The following GDAP1 variants were observed in gnomAD, a reference collection of about 807,000 sequenced individuals.
GDAP1 encodes the protein ganglioside-induced differentiation-associated protein 1.
In GDAP1, 34 loss-of-function variants were observed where a neutral mutation model predicts 40.1. That is an observed-to-expected ratio of 0.85 (90% CI 0.64 to 1.13). The LOEUF is 1.13. GDAP1 is among the 50% of genes most tolerant of loss of function. The probability of loss-of-function intolerance (pLI) is 0.00; values close to 1 mark genes in which losing one functional copy is unlikely to be tolerated. For synonymous variants in GDAP1, 170 were observed against 157.4 expected (o/e 1.08, Z -0.60); for missense variants, 374 against 433.7 (o/e 0.86, Z 1.22).
At chr8:74,404,202 A>T (rs963078421) in intron 2 of GDAP1, among the ~76,000 whole-genome samples, 1 of 149,936 alleles carries the variant, frequency 6.7e-6, no homozygotes, top group Non-Finnish European at 1.5e-5. Context: ...TAACTTAAAA[A>T]AAATCCTGTC....
chr8:74,362,973 T>C lies in GDAP1; in HGVS notation c.614T>C (p.Leu205Ser), dbSNP rs878855054. 1.4e-5 allele frequency: 22 copies of C among 1,583,892 alleles called. No individual in the cohort carries two copies. The highest frequency in any genetic ancestry group is 1.9e-5 in the Non-Finnish European group (22 of 1,152,672). The change falls in exon 5 of 6, where the codon TTG becomes TCG. Residue 205 changes from leucine to serine, a missense_variant. Transcript: ENST00000220822. ...KLLDHDNVKYLKKILDELEKV... is the reference protein window; with the variant it reads ...KLLDHDNVKYSKKILDELEKV... ...CTTGATCATGACAATGTCAAGTATT[T>C]GAAGAAAATTCTTGATGAGTTGGAG... is the stretch of plus-strand genomic sequence containing the variant.
chr8:74,369,880 A>G (rs1004808742), downstream of GDAP1, among the ~76,000 whole-genome samples: 1 of 152,236 alleles, frequency 6.6e-6, no homozygotes, highest in Non-Finnish European at 1.5e-5. Flanking sequence ...AAATAGTGGA[A>G]TGCAGACAAC....
In GDAP1 at chr8:74,350,828, C is replaced by A. The variant is rs181572426; in HGVS notation, c.117+250C>A. ...AAATGCGACAAAAAAGCATCATTTTCAGTATTTGGTCTGGAGGCCTTGCCT... is the reference window on the plus strand; with the variant it reads ...AAATGCGACAAAAAAGCATCATTTTAAGTATTTGGTCTGGAGGCCTTGCCT... On this transcript the variant is annotated intron_variant, in intron 1 of 5. Coordinates refer to ENST00000220822, the MANE Select transcript of GDAP1 (RefSeq NM_018972.4). Among the ~76,000 whole-genome samples, 1,243 of 152,302 alleles carry A rather than the reference C, an allele frequency of 8.2e-3. 11 individuals carry two copies. The highest frequency in any genetic ancestry group is 0.013 in the Non-Finnish European group (852 of 68,018).
intron 2 of GDAP1, among the ~76,000 whole-genome samples, chr8:74,410,502 ATTAC>A (rs1805696081): frequency 6.7e-6 from 1 of 150,268 alleles, no homozygotes; most frequent in Non-Finnish European, 1.5e-5. Context: ...TCTTCCCAGC[ATTAC>A]TTGGGATATT....
intron 3 of GDAP1, among the ~76,000 whole-genome samples, chr8:74,361,372 CT>C (rs1328783291): frequency 3.3e-5 from 5 of 151,880 alleles, no homozygotes; most frequent in Admixed American, 3.3e-4. Context: ...CTCATTTAGT[CT>C]TCATGGCAGA....
chr8:74,350,484 A>G lies in GDAP1; in HGVS notation c.23A>G (p.Gln8Arg), dbSNP rs879253884. Residue 8 changes from glutamine to arginine, a missense_variant, in exon 1 of 6, where the codon CAG becomes CGG. Physicochemically the swap from Gln to Arg is conservative, Grantham distance 43. Coordinates refer to ENST00000220822, the MANE Select transcript of GDAP1 (RefSeq NM_018972.4). ...AAGATGGCTGAGAGGCAGGAAGAGC[A>G]GAGAGGGAGCCCGCCCTTGAGGGCG... Reference protein sequence around the residue: MAERQEEQRGSPPLRAEG... With the variant: MAERQEERRGSPPLRAEG... The G allele has an allele frequency of 1.2e-6, 2 of 1,612,254 alleles. No homozygotes were observed. Among genetic ancestry groups the G allele is most frequent in the Non-Finnish European group, 1.7e-6 (2 of 1,178,636 alleles).
chr8:74,422,352 C>CTTTCTTTCTTTCTTTCTTTCCTT (rs1563465558), intron 2 of GDAP1, among the ~76,000 whole-genome samples: 1 of 34,222 alleles, frequency 2.9e-5, no homozygotes, highest in African/African-American at 1.0e-4. Flanking sequence ...TTTCTTTCTT[C>CTTTCTTTCTTTCTTTCTTTCCTT]CCTTCCTTCC....
At chr8:74,469,439 A>C (rs931936111) in intron 2 of GDAP1, among the ~76,000 whole-genome samples, 12 of 150,048 alleles carry the variant, frequency 8.0e-5, no homozygotes, top group Non-Finnish European at 1.3e-4. Context: ...GAGGCCGAGG[A>C]GGGCGGATCA....
chr8:74,360,388 G>T, intron 3 of GDAP1, 78 bp downstream of exon 3: 3 of 1,207,764 alleles, frequency 2.5e-6, no homozygotes, highest in South Asian at 1.2e-5. Flanking sequence ...CATGTCTCAT[G>T]GTCACTAAAA....
intron 2 of GDAP1, among the ~76,000 whole-genome samples, chr8:74,453,091 G>C (rs1242147852): frequency 2.4e-5 from 2 of 83,188 alleles, no homozygotes; most frequent in Non-Finnish European, 4.9e-5. Flanking sequence ...TGGAGTTTCA[G>C]TGGAAAGTCT....
At chr8:74,355,924 A>G (rs1047873906) in intron 2 of GDAP1, among the ~76,000 whole-genome samples, 3 of 152,140 alleles carry the variant, frequency 2.0e-5, no homozygotes, top group Non-Finnish European at 4.4e-5. Flanking sequence ...ATCTAAATTT[A>G]TAGATACAAT....
intron 2 of GDAP1, among the ~76,000 whole-genome samples, chr8:74,478,704 C>T (rs1806667812): frequency 2.6e-5 from 4 of 152,208 alleles, no homozygotes; most frequent in Non-Finnish European, 2.9e-5. Flanking sequence ...ACTGTAGCCA[C>T]TCCCACACCA....
intron 2 of GDAP1, among the ~76,000 whole-genome samples, chr8:74,417,624 G>A (rs1421176809): frequency 6.7e-6 from 1 of 149,512 alleles, no homozygotes; most frequent in Admixed American, 6.6e-5. Context: ...GGGTGTGGTG[G>A]CACACACCTG....
intron 2 of GDAP1, among the ~76,000 whole-genome samples, chr8:74,485,865 T>C (rs1806769849): frequency 6.6e-6 from 1 of 152,152 alleles, no homozygotes; most frequent in African/African-American, 2.4e-5. Context: ...GGAACTGTTG[T>C]GGTGTCCAGA....
At chr8:74,433,015 G>C (rs781594355) in intron 2 of GDAP1, among the ~76,000 whole-genome samples, 37 of 152,098 alleles carry the variant, frequency 2.4e-4, no homozygotes, top group Non-Finnish European at 3.4e-4. Flanking sequence ...CAGCCACATA[G>C]GCAATTATAT....
chr8:74,483,885 C>A (rs767081136), intron 2 of GDAP1, among the ~76,000 whole-genome samples: 1 of 152,128 alleles, frequency 6.6e-6, no homozygotes, highest in Non-Finnish European at 1.5e-5. Context: ...GGCCACCTTA[C>A]GGGATAGTTG....
chr8:74,477,898 G>T (rs943590510), intron 2 of GDAP1, among the ~76,000 whole-genome samples: 3 of 152,200 alleles, frequency 2.0e-5, no homozygotes, highest in African/African-American at 7.2e-5. Flanking sequence ...CATGGTTGGG[G>T]TGGTGCTGTC....
chr8:74,423,182 A>G (rs1805901393), intron 2 of GDAP1, among the ~76,000 whole-genome samples: 2 of 147,550 alleles, frequency 1.4e-5, no homozygotes, highest in Non-Finnish European at 3.0e-5. Flanking sequence ...TATGTCTTAT[A>G]TATACTGTTG....
intron 2 of GDAP1, 43 bp from the exon 3 acceptor site, chr8:74,360,094 C>T: frequency 6.9e-7 from 1 of 1,442,216 alleles, no homozygotes; most frequent in South Asian, 1.1e-5. Context: ...TGTAACAACT[C>T]ATGTGTAACT....
Sources: gnomAD v4.1 joint callset for allele counts (sites outside exome capture counted in the v4.1 genomes callset) on GRCh38, gnomAD v4.1.1 for gene constraint, MANE v1.5 for transcripts, NCBI Gene and HGNC (gene_info 2026-07-23, HGNC 2026-07-21) for gene names.